TAF3: variants seen among roughly 807,000 people sequenced by gnomAD.
TAF3 encodes the protein TATA-box binding protein associated factor 3, also known as transcription initiation factor TFIID subunit 3.
TAF3 carries 7 observed loss-of-function variants against 80.6 expected under a neutral mutation model. That is an observed-to-expected ratio of 0.09 (90% CI 0.05 to 0.16). The LOEUF (loss-of-function observed/expected upper bound fraction) is 0.16. Among genes scored for constraint, TAF3 ranks in the 10% least tolerant of loss-of-function variants. The pLI, the probability that TAF3 is intolerant of heterozygous loss-of-function variation, is 1.00. For synonymous variants in TAF3, 444 were observed against 446.1 expected (o/e 1.00, Z 0.06); for missense variants, 921 against 1,140.2 (o/e 0.81, Z 2.77).
At chr10:7,855,298 C>T (rs1404591417) in intron 2 of TAF3, among the ~76,000 whole-genome samples, 1 of 152,258 alleles carries the variant, frequency 6.6e-6, no homozygotes, top group Non-Finnish European at 1.5e-5. Flanking sequence ...TGCAGCTGAG[C>T]AGCTGCCTCT....
intron 2 of TAF3, among the ~76,000 whole-genome samples, chr10:7,835,715 A>G (rs1836845311): frequency 1.3e-5 from 2 of 152,258 alleles, no homozygotes; most frequent in Middle Eastern, 3.4e-3. Context: ...CGGGCTTTCC[A>G]GCAGAGGCCT....
At chr10:7,953,019 C>T (rs986808234) in intron 2 of TAF3, among the ~76,000 whole-genome samples, 1 of 152,046 alleles carries the variant, frequency 6.6e-6, no homozygotes, top group Non-Finnish European at 1.5e-5. Context: ...CTTTTCCTTC[C>T]CAGCATCGAG....
intron 2 of TAF3, among the ~76,000 whole-genome samples, chr10:7,891,990 G>A (rs1228814113): frequency 6.6e-6 from 1 of 152,162 alleles, no homozygotes; most frequent in Non-Finnish European, 1.5e-5. Context: ...TTTGCTGATA[G>A]TTAACTTATG....
At chr10:7,838,346 C>T (rs1836872622) in intron 2 of TAF3, among the ~76,000 whole-genome samples, 1 of 149,172 alleles carries the variant, frequency 6.7e-6, no homozygotes, top group African/African-American at 2.5e-5. Context: ...AGTACCTTTA[C>T]CAAGCCAGTT....
intron 4 of TAF3, among the ~76,000 whole-genome samples, chr10:7,992,094 G>A (rs1831841412): frequency 6.6e-6 from 1 of 152,178 alleles, no homozygotes; most frequent in South Asian, 2.1e-4. Flanking sequence ...TAGGCTCAGG[G>A]ACTACAGAAA....
At chr10:7,855,957 G>GT (rs999920371) in intron 2 of TAF3, among the ~76,000 whole-genome samples, 3 of 151,318 alleles carry the variant, frequency 2.0e-5, no homozygotes, top group African/African-American at 7.3e-5. Flanking sequence ...AAAAATAAGC[G>GT]TAATAGTTCT....
chr10:7,903,409 C>G lies in TAF3; in HGVS notation c.410-60511C>G, dbSNP rs1837578480. Among the ~76,000 whole-genome samples, 4 of 152,198 alleles carry G rather than the reference C, an allele frequency of 2.6e-5. No individual in the cohort carries two copies. The South Asian group carries it at 8.3e-4, about 31-fold the overall frequency. Reference sequence around the variant, plus strand: ...CTCACTGTGTACTTCCTTTCCTTGTCTCAGCCTTGGAAGCAACTCTTTCTC... The same window carrying G: ...CTCACTGTGTACTTCCTTTCCTTGTGTCAGCCTTGGAAGCAACTCTTTCTC... On this transcript the variant is annotated intron_variant, in intron 2 of 6. Transcript: ENST00000344293.
chr10:7,914,063 C>G (rs1009506924), intron 2 of TAF3, among the ~76,000 whole-genome samples: 3 of 151,892 alleles, frequency 2.0e-5, no homozygotes, highest in African/African-American at 7.3e-5. Context: ...GATACCGATT[C>G]AAAGAAACTG....
At chr10:7,860,804 C>CT (rs371068019) in intron 2 of TAF3, among the ~76,000 whole-genome samples, 4,923 of 119,060 alleles carry the variant, frequency 0.041, 323 homozygotes, top group East Asian at 0.22. Context: ...TTCTTTCTTT[C>CT]TTTTTTTTTT....
chr10:7,851,934 C>A (rs1837030860), intron 2 of TAF3, among the ~76,000 whole-genome samples: 1 of 151,858 alleles, frequency 6.6e-6, no homozygotes, highest in Admixed American at 6.6e-5. Context: ...CGTGAGCCAC[C>A]ATGCCTGGCT....
At chr10:7,944,803 C>G (rs938706441) in intron 2 of TAF3, among the ~76,000 whole-genome samples, 1 of 152,178 alleles carries the variant, frequency 6.6e-6, no homozygotes, top group Admixed American at 6.5e-5. Context: ...GAGACCTTAT[C>G]TTAAGCAATT....
intron 2 of TAF3, among the ~76,000 whole-genome samples, chr10:7,962,244 C>T (rs745986005): frequency 2.6e-5 from 4 of 152,152 alleles, no homozygotes; most frequent in African/African-American, 4.8e-5. Flanking sequence ...TCAGAATATC[C>T]TTCACCTCTG....
At chr10:7,899,222 C>G (rs998277752) in intron 2 of TAF3, among the ~76,000 whole-genome samples, 4 of 152,206 alleles carry the variant, frequency 2.6e-5, no homozygotes, top group Admixed American at 6.5e-5. Flanking sequence ...CTCCCTCGAT[C>G]TGGAGCCGTT....
At chr10:7,881,722 A>G (rs1216596964) in intron 2 of TAF3, among the ~76,000 whole-genome samples, 1 of 152,230 alleles carries the variant, frequency 6.6e-6, no homozygotes, top group Non-Finnish European at 1.5e-5. Context: ...CAGCTGGTAG[A>G]AGTGATGTGT....
Position 7,964,859 on chromosome 10 carries a change from C to T in TAF3, c.1349C>T (p.Pro450Leu), listed in dbSNP as rs1380019805. 3 of 1,614,100 alleles carry T rather than the reference C, an allele frequency of 1.9e-6. No individual in the cohort carries two copies. Among genetic ancestry groups the T allele is most frequent in the African/African-American group, 2.7e-5 (2 of 74,948 alleles). The change falls in exon 3 of 7, where the codon CCT (proline) becomes CTT (leucine). Residue 450 changes from proline (P) to leucine (L), a missense_variant. Transcript: ENST00000344293. The surrounding 1 kb of genome is among the most constrained non-coding windows in gnomAD (Gnocchi z 4.1). ...ANNFTKSGST[P>L]LPLSGGTSSS... Reference sequence around the variant, plus strand: ...AATTTCACAAAGTCAGGATCCACTCCTCTGCCTCTTTCCGGTGGAACCTCA... The same window carrying T: ...AATTTCACAAAGTCAGGATCCACTCTTCTGCCTCTTTCCGGTGGAACCTCA...
intron 4 of TAF3, among the ~76,000 whole-genome samples, chr10:7,998,309 G>A (rs1301643736): frequency 6.8e-6 from 1 of 146,774 alleles, no homozygotes; most frequent in African/African-American, 2.5e-5. Flanking sequence ...TAATGTAATT[G>A]AACTGGGAAT....
intron 2 of TAF3, among the ~76,000 whole-genome samples, chr10:7,949,742 T>G (rs566686793): frequency 7.4e-6 from 1 of 135,024 alleles, no homozygotes; most frequent in South Asian, 2.6e-4. Context: ...GTGAAGCAAT[T>G]CTTTCTTCTA....
chr10:7,909,034 T>C (rs12219547), intron 2 of TAF3, among the ~76,000 whole-genome samples: 29,952 of 152,142 alleles, frequency 0.2, 3,060 homozygotes, highest in East Asian at 0.3. Flanking sequence ...GGTACAAAGG[T>C]CAGGAGGGAG....
At chr10:7,884,402 T>TTTTTTTTTTTG (rs1837389173) in intron 2 of TAF3, among the ~76,000 whole-genome samples, 2 of 150,106 alleles carry the variant, frequency 1.3e-5, no homozygotes, top group South Asian at 2.1e-4. Context: ...CTTTTTTTTT[T>TTTTTTTTTTTG]TGAGATGGAG....
Sources: allele counts gnomAD v4.1 joint callset (sites outside exome capture counted in the v4.1 genomes callset), GRCh38; gene constraint gnomAD v4.1.1; non-coding constraint Gnocchi (gnomAD v3.1); transcripts MANE v1.5; gene names NCBI Gene and HGNC (gene_info 2026-07-23, HGNC 2026-07-21).